Variants in BACH1 observed in about 807,000 individuals in gnomAD.
BACH1 encodes the protein BTB domain and CNC homolog 1, also known as transcription regulator protein BACH1.
In BACH1, 35 loss-of-function variants were observed where a neutral mutation model predicts 52.9. That is an observed-to-expected ratio of 0.66 (90% CI 0.51 to 0.88). The LOEUF is 0.88. Among genes scored for constraint, BACH1 ranks in the 40% least tolerant of loss-of-function variants. The pLI, the probability that BACH1 is intolerant of heterozygous loss-of-function variation, is 0.00. For missense variants in BACH1, 808 were observed against 872.6 expected, an observed-to-expected ratio of 0.93 and a Z score of 0.93; for synonymous variants, 321 against 319.6, an observed-to-expected ratio of 1.00 and a Z score of -0.05.
intron 4 of BACH1, 22 bp downstream of exon 4, chr21:29,329,715 T>C (rs2088958984): frequency 4.1e-6 from 6 of 1,464,362 alleles, no homozygotes; most frequent in Non-Finnish European, 5.5e-6. Context: ...AGTTTCTTGT[T>C]ACTATTTAAA....
chr21:29,300,700 A>G (rs1347909833), intron 1 of BACH1: 1 of 152,240 alleles, frequency 6.6e-6, no homozygotes, highest in Non-Finnish European at 1.5e-5. Flanking sequence ...TACGTGGTCT[A>G]TAAGTTTCAA....
chr21:29,328,508 TC>T, intron 3 of BACH1, among the ~76,000 whole-genome samples: 1 of 152,208 alleles, frequency 6.6e-6, no homozygotes. Flanking sequence ...TTCTATTTTA[TC>T]CATTGCATTT....
chr21:29,335,518 A>G (rs2089034394), intron 4 of BACH1, among the ~76,000 whole-genome samples: 1 of 152,072 alleles, frequency 6.6e-6, no homozygotes, highest in Non-Finnish European at 1.5e-5. Flanking sequence ...AAGTGTGTTC[A>G]TTTTTTCTTG....
chr21:29,329,402 AC>A, intron 3 of BACH1, 84 bp from the exon 4 acceptor site: 2 of 1,134,106 alleles, frequency 1.8e-6, no homozygotes, highest in Non-Finnish European at 2.4e-6. Context: ...TCTCTGAAAA[AC>A]TTAGATGTAT....
At chr21:29,313,084 T>G (rs188839329) in intron 1 of BACH1, among the ~76,000 whole-genome samples, 12 of 152,238 alleles carry the variant, frequency 7.9e-5, no homozygotes, top group Middle Eastern at 3.4e-3. Context: ...CAAGGGTTAA[T>G]GAGAATGTAG....
chr21:29,354,986 A>G (rs188668840), intron 2 of BACH1, among the ~76,000 whole-genome samples: 1 of 152,344 alleles, frequency 6.6e-6, no homozygotes, highest in Admixed American at 6.5e-5. Context: ...GAAGATCAGA[A>G]GCAAGCAAGA....
At chr21:29,357,102 T>C (rs765605986) in intron 2 of BACH1, among the ~76,000 whole-genome samples, 16 of 152,236 alleles carry the variant, frequency 1.1e-4, no homozygotes, top group Non-Finnish European at 2.1e-4. Context: ...AGCATGGGCA[T>C]GTAGGATTAG....
intron 4 of BACH1, among the ~76,000 whole-genome samples, chr21:29,339,380 T>C (rs572152944): frequency 6.6e-6 from 1 of 152,288 alleles, no homozygotes; most frequent in East Asian, 1.9e-4. Context: ...GCATTTTTGC[T>C]TATATTTCTC....
intron 1 of BACH1, among the ~76,000 whole-genome samples, chr21:29,319,135 C>CT (rs2088820335): frequency 6.6e-6 from 1 of 152,204 alleles, no homozygotes; most frequent in Non-Finnish European, 1.5e-5. Context: ...GAGAGAAACT[C>CT]TATCTAGCAC....
At position 29,345,412 on chromosome 21, in the gene BACH1, A is replaced by G. The variant is rs966960920; in HGVS notation, c.*2579A>G. 4 of 152,158 alleles carry G rather than the reference A, an allele frequency of 2.6e-5. No homozygotes were observed. The highest frequency in any genetic ancestry group is 5.9e-5 in the Non-Finnish European group (4 of 68,010). 9.4% of individuals were successfully genotyped at this position (152,158 alleles called of 1,614,324 possible). ...TTGTATATTGCATATTCACATGATC[A>G]TTGTTCACTATTTTATGAACTGGCC... is the stretch of plus-strand genomic sequence containing the variant. On this transcript the variant is annotated 3_prime_UTR_variant, in exon 5 of 5. Coordinates refer to ENST00000286800, the MANE Select transcript of BACH1 (RefSeq NM_001186.4).
At chr21:29,356,318 TTTTAA>T (rs780511914) in intron 2 of BACH1, among the ~76,000 whole-genome samples, 1 of 152,154 alleles carries the variant, frequency 6.6e-6, no homozygotes, top group Non-Finnish European at 1.5e-5. Context: ...AAGTTTGGGG[TTTTAA>T]TTTTTCTTTG....
At chr21:29,354,414 T>G (rs2089221297) in intron 2 of BACH1, among the ~76,000 whole-genome samples, 1 of 151,992 alleles carries the variant, frequency 6.6e-6, no homozygotes, top group Non-Finnish European at 1.5e-5. Flanking sequence ...GAGTGGATTG[T>G]GGAGTGGGAA....
intron 1 of BACH1, among the ~76,000 whole-genome samples, chr21:29,312,044 T>C (rs2088729671): frequency 6.6e-6 from 1 of 152,254 alleles, no homozygotes; most frequent in Admixed American, 6.5e-5. Flanking sequence ...AGCTGCTGTT[T>C]GGCAGTTTCT....
intron 1 of BACH1, among the ~76,000 whole-genome samples, chr21:29,300,577 A>G (rs1454569236): frequency 6.6e-6 from 1 of 152,216 alleles, no homozygotes; most frequent in Non-Finnish European, 1.5e-5. Context: ...TTTGCGCTGG[A>G]GAGAGCTAAA....
At chr21:29,313,212 A>G (rs1210085536) in intron 1 of BACH1, among the ~76,000 whole-genome samples, 1 of 152,222 alleles carries the variant, frequency 6.6e-6, no homozygotes, top group Non-Finnish European at 1.5e-5. Context: ...AAAAAGGTCC[A>G]TGCATGATTT....
At chr21:29,321,645 C>G (rs532075402) in intron 2 of BACH1, 131 bp downstream of exon 2, 1 of 451,540 alleles carries the variant, frequency 2.2e-6, no homozygotes, top group East Asian at 4.1e-5. Flanking sequence ...TGTGCAACCC[C>G]TTTTTTTTTT....
chr21:29,320,201 T>A (rs759932876), intron 1 of BACH1, among the ~76,000 whole-genome samples: 5 of 152,076 alleles, frequency 3.3e-5, no homozygotes, highest in Non-Finnish European at 7.4e-5. Flanking sequence ...AGAACAGAAG[T>A]GAATGACGCA....
chr21:29,339,769 GT>G (rs1320734661), intron 4 of BACH1, among the ~76,000 whole-genome samples: 1 of 151,542 alleles, frequency 6.6e-6, no homozygotes, highest in Admixed American at 6.6e-5. Flanking sequence ...TTTTAGCTAG[GT>G]TTACAGGTGT....
At position 29,344,634 on chromosome 21, in the gene BACH1, TTGTGTGTG is replaced by T. The variant is rs10595449; in HGVS notation, c.*1829_*1836del. The T allele has an allele frequency of 0.17, 25,433 of 149,058 alleles. 2,353 individuals carry two copies. Among genetic ancestry groups the T allele is most frequent in the East Asian group, 0.39 (2,002 of 5,086 alleles). The allele number at this position is 149,058 out of a possible 1,614,324, so 9.2% of individuals were successfully genotyped here. A position where few individuals can be genotyped will look rare whatever the true frequency, so the allele number is the denominator to read the frequency against. On this transcript the variant is annotated 3_prime_UTR_variant, in exon 5 of 5. Transcript: ENST00000286800. The stretch of plus-strand genomic sequence containing the variant: ...AGTGCATCCCATACTGCAAAAGAAT[TTGTGTGTG>T]TGTGTGTGTGTGTGTGTGTGTGTGT...
Sources: gnomAD v4.1 joint callset for allele counts (sites outside exome capture counted in the v4.1 genomes callset) on GRCh38, gnomAD v4.1.1 for gene constraint, MANE v1.5 for transcripts, NCBI Gene and HGNC (gene_info 2026-07-23, HGNC 2026-07-21) for gene names.